THSD7B: variants seen among roughly 807,000 people sequenced by gnomAD.
The protein encoded by THSD7B is thrombospondin type 1 domain containing 7B, also known as thrombospondin type-1 domain-containing protein 7B.
Under a neutral mutation model 213.6 loss-of-function variants are expected in THSD7B, and 138 were observed. That is an observed-to-expected ratio of 0.65 (90% CI 0.56 to 0.74). The LOEUF (loss-of-function observed/expected upper bound fraction) is 0.74, where lower values mean the gene tolerates loss of function less well. Among genes scored for constraint, THSD7B ranks in the 30% least tolerant of loss-of-function variants. The probability of loss-of-function intolerance (pLI) is 0.00; values close to 1 mark genes in which losing one functional copy is unlikely to be tolerated. For missense variants in THSD7B, 1,931 were observed against 1,991.5 expected, an observed-to-expected ratio of 0.97 and a Z score of 0.58; for synonymous variants, 742 against 687.0, an observed-to-expected ratio of 1.08 and a Z score of -1.25.
At chr2:137,616,680 A>G (rs1165351937) in intron 18 of THSD7B, among the ~76,000 whole-genome samples, 1 of 152,324 alleles carries the variant, frequency 6.6e-6, no homozygotes, top group Non-Finnish European at 1.5e-5. Context: ...TGGCTCTTTT[A>G]TGCCTTTTAT....
At chr2:137,255,848 C>T (rs530225928) in intron 10 of THSD7B, among the ~76,000 whole-genome samples, 4 of 152,168 alleles carry the variant, frequency 2.6e-5, no homozygotes, top group South Asian at 2.1e-4. Context: ...CGTGCCACCA[C>T]GCCTGATTAT....
chr2:137,123,929 T>C (rs1688588026), intron 5 of THSD7B, among the ~76,000 whole-genome samples: 1 of 152,156 alleles, frequency 6.6e-6, no homozygotes. Context: ...GGTTAGCACA[T>C]TGCCTGGCAA....
intron 4 of THSD7B, among the ~76,000 whole-genome samples, chr2:137,095,524 T>G (rs533171816): frequency 6.6e-6 from 1 of 152,292 alleles, no homozygotes; most frequent in East Asian, 1.9e-4. Context: ...GCTACTAATG[T>G]TCAGAGAGAT....
intron 12 of THSD7B, among the ~76,000 whole-genome samples, chr2:137,346,055 C>T (rs2104913631): frequency 6.6e-6 from 1 of 151,676 alleles, no homozygotes; most frequent in Admixed American, 6.6e-5. Flanking sequence ...TATGTCTTCC[C>T]TTATCCTCTT....
intron 1 of THSD7B, among the ~76,000 whole-genome samples, chr2:136,830,272 A>G (rs1408085850): frequency 6.6e-6 from 1 of 152,172 alleles, no homozygotes; most frequent in African/African-American, 2.4e-5. Context: ...GACAAATGAA[A>G]TTTTTTATGT....
rs184341656 is a variant in THSD7B, at chr2:136,943,231, G to A, written c.139+60914G>A. On this transcript the variant is annotated intron_variant, in intron 2 of 27. Transcript: ENST00000409968. ...AGCCTTGCATCCCAGGGATGAAGCC[G>A]ACTTGATTGTGGTGGATAAGCTTTT... is the stretch of plus-strand genomic sequence containing the variant. Among the ~76,000 whole-genome samples the A allele has an allele frequency of 2.2e-3, 335 of 152,254 alleles. 1 individual carries two copies. The highest frequency in any genetic ancestry group is 0.017 in the Middle Eastern group (5 of 292).
chr2:137,226,075 T>C (rs2105049513), intron 7 of THSD7B, among the ~76,000 whole-genome samples: 1 of 151,988 alleles, frequency 6.6e-6, no homozygotes, highest in Middle Eastern at 3.4e-3. Context: ...TCTGTTGATA[T>C]CTTACTCAGC....
Position 136,916,965 on chromosome 2 carries a change from G to T in THSD7B, c.139+34648G>T, listed in dbSNP as rs372930977. Among the ~76,000 whole-genome samples the T allele has an allele frequency of 1.1e-3, 166 of 152,242 alleles. 9 individuals are homozygous for T. The South Asian group carries it at 0.034, about 31-fold the overall frequency. On this transcript the variant is annotated intron_variant, in intron 2 of 27. Transcript: ENST00000409968. Reference sequence around the variant, plus strand: ...ACACAATTAGAGCCACTCAGCCTATGTTAAAGACAGCATTATTATGAGGCT... The same window carrying T: ...ACACAATTAGAGCCACTCAGCCTATTTTAAAGACAGCATTATTATGAGGCT...
chr2:136,855,752 G>C (rs2558101), intron 1 of THSD7B, among the ~76,000 whole-genome samples: 3 of 151,660 alleles, frequency 2.0e-5, no homozygotes, highest in African/African-American at 7.3e-5. Flanking sequence ...GATTACAGGC[G>C]TGAGCCATCA....
At chr2:136,978,819 C>G (rs1685529867) in intron 2 of THSD7B, among the ~76,000 whole-genome samples, 1 of 151,028 alleles carries the variant, frequency 6.6e-6, no homozygotes, top group South Asian at 2.1e-4. Context: ...GAATTTGATC[C>G]TGTCACCATG....
chr2:137,414,662 G>T (rs374549160), intron 14 of THSD7B, among the ~76,000 whole-genome samples: 43 of 152,164 alleles, frequency 2.8e-4, no homozygotes, highest in African/African-American at 9.7e-4. Flanking sequence ...CAAGGCTTCA[G>T]TGAGCCATGA....
chr2:137,229,099 AT>A (rs1681580958), intron 7 of THSD7B, among the ~76,000 whole-genome samples: 2 of 152,112 alleles, frequency 1.3e-5, no homozygotes, highest in African/African-American at 4.8e-5. Context: ...ACACTGAGAA[AT>A]TTTTCAGTAA....
chr2:137,150,787 T>A (rs568766225), intron 5 of THSD7B, among the ~76,000 whole-genome samples: 1 of 152,136 alleles, frequency 6.6e-6, no homozygotes, highest in Non-Finnish European at 1.5e-5. Flanking sequence ...GTTGGGATAG[T>A]CCACTCACAA....
intron 16 of THSD7B, among the ~76,000 whole-genome samples, chr2:137,568,146 T>C (rs955107639): frequency 5.3e-5 from 8 of 152,270 alleles, no homozygotes; most frequent in African/African-American, 1.9e-4. Flanking sequence ...ACTAAGAGGT[T>C]TCTCTGGAAT....
intron 7 of THSD7B, among the ~76,000 whole-genome samples, chr2:137,196,406 G>A: frequency 1.0e-5 from 1 of 98,082 alleles, no homozygotes; most frequent in Admixed American, 1.3e-4. Flanking sequence ...TTTTTTTTGT[G>A]GCTGCCGTTT....
chr2:137,192,893 A>G (rs918246509), intron 7 of THSD7B, among the ~76,000 whole-genome samples: 1 of 152,184 alleles, frequency 6.6e-6, no homozygotes, highest in Admixed American at 6.5e-5. Flanking sequence ...AAATTAAGCT[A>G]AATTACTTGA....
intron 5 of THSD7B, among the ~76,000 whole-genome samples, chr2:137,155,458 G>A (rs1473420822): frequency 6.6e-6 from 1 of 152,164 alleles, no homozygotes; most frequent in Non-Finnish European, 1.5e-5. Context: ...AGAAAGGAGT[G>A]CAGGTGAATA....
chr2:137,081,849 C>T (rs1238226816), intron 3 of THSD7B, among the ~76,000 whole-genome samples: 1 of 151,984 alleles, frequency 6.6e-6, no homozygotes, highest in African/African-American at 2.4e-5. Context: ...TGTTTCTGCC[C>T]TCTTTTGTGA....
At chr2:136,965,152 A>G (rs548929899) in intron 2 of THSD7B, among the ~76,000 whole-genome samples, 1 of 152,290 alleles carries the variant, frequency 6.6e-6, no homozygotes, top group South Asian at 2.1e-4. Flanking sequence ...AAATCTGATA[A>G]TCAGTTCTTT....
Sources: gnomAD v4.1 joint callset for allele counts (sites outside exome capture counted in the v4.1 genomes callset) on GRCh38, gnomAD v4.1.1 for gene constraint, MANE v1.5 for transcripts, NCBI Gene and HGNC (gene_info 2026-07-23, HGNC 2026-07-21) for gene names.